FBXL13: variants seen among roughly 807,000 people sequenced by gnomAD.
FBXL13 encodes F-box and leucine rich repeat protein 13.
Under a neutral mutation model 83.6 loss-of-function variants are expected in FBXL13, and 67 were observed. That is an observed-to-expected ratio of 0.80 (90% confidence interval 0.66 to 0.98). The LOEUF is 0.98. Among genes scored for constraint, FBXL13 ranks in the 50% least tolerant of loss-of-function variants. FBXL13 has a pLI of 0.00. For synonymous variants in FBXL13, 272 were observed against 299.5 expected (o/e 0.91, Z 0.95); for missense variants, 822 against 866.5 (o/e 0.95, Z 0.64).
intron 8 of FBXL13, among the ~76,000 whole-genome samples, chr7:102,946,443 C>A (rs1234133448): frequency 6.6e-6 from 1 of 152,170 alleles, no homozygotes; most frequent in Non-Finnish European, 1.5e-5. Context: ...GGCTGTCTGG[C>A]ACCAGAACTT....
At chr7:102,823,833 C>T (rs74725883) in intron 18 of FBXL13, among the ~76,000 whole-genome samples, 4,443 of 152,176 alleles carry the variant, frequency 0.029, 183 homozygotes, top group East Asian at 0.16. Context: ...TGTCTAAACA[C>T]GCTTTGTTTC....
intron 6 of FBXL13, among the ~76,000 whole-genome samples, chr7:103,002,527 T>C (rs995858916): frequency 1.3e-5 from 2 of 152,354 alleles, no homozygotes; most frequent in African/African-American, 4.8e-5. Context: ...CTGTTTTCTT[T>C]TTGCACATTA....
At chr7:103,036,654 G>A (rs1399078652) in intron 2 of FBXL13, among the ~76,000 whole-genome samples, 1 of 152,128 alleles carries the variant, frequency 6.6e-6, no homozygotes, top group African/African-American at 2.4e-5. Context: ...TGGGATTACA[G>A]GTGTGCACCA....
intron 6 of FBXL13, among the ~76,000 whole-genome samples, chr7:102,992,648 A>G (rs929654032): frequency 6.6e-6 from 1 of 152,218 alleles, no homozygotes; most frequent in Admixed American, 6.5e-5. Flanking sequence ...TCTGTCACCC[A>G]GGCTGGAGTA....
At chr7:102,832,094 C>T (rs540936354) in intron 18 of FBXL13, among the ~76,000 whole-genome samples, 6 of 152,214 alleles carry the variant, frequency 3.9e-5, no homozygotes, top group East Asian at 3.9e-4. Flanking sequence ...AAAATACCAG[C>T]GATGGTTATG....
At chr7:102,895,454 G>T (rs1047824424) in intron 11 of FBXL13, among the ~76,000 whole-genome samples, 13 of 152,170 alleles carry the variant, frequency 8.5e-5, no homozygotes, top group African/African-American at 3.1e-4. Context: ...CTGAAACACG[G>T]TCCAAACTCC....
rs544074031 is a variant in FBXL13 at position 103,016,727 on chromosome 7, G to A, written c.495+8336C>T. Reference sequence around the variant, plus strand: ...CCACACCCATGGAGCCTCCCTCATTGCTCGCACAGCAGTCTGAGATCAAAC... The same window carrying A: ...CCACACCCATGGAGCCTCCCTCATTACTCGCACAGCAGTCTGAGATCAAAC... On this transcript the variant is annotated intron_variant, in intron 6 of 19. Coordinates refer to ENST00000313221, the Ensembl canonical transcript of FBXL13. 8.5e-5 allele frequency among the ~76,000 whole-genome samples: 13 copies of A among 152,262 alleles called. No homozygotes were observed. The South Asian group carries it at 2.7e-3, about 32-fold the overall frequency.
chr7:102,934,949 C>T (rs2129473871), intron 8 of FBXL13, among the ~76,000 whole-genome samples: 1 of 152,304 alleles, frequency 6.6e-6, no homozygotes, highest in African/African-American at 2.4e-5. Flanking sequence ...ACATCGCAAG[C>T]TGTCACTGTA....
intron 1 of FBXL13, among the ~76,000 whole-genome samples, chr7:103,067,116 G>T (rs1798477601): frequency 6.6e-6 from 1 of 152,026 alleles, no homozygotes; most frequent in East Asian, 1.9e-4. Flanking sequence ...AAAATACTAG[G>T]AAATGTAGGA....
intron 14 of FBXL13, among the ~76,000 whole-genome samples, chr7:102,879,745 C>T (rs1446759137): frequency 5.9e-5 from 9 of 152,106 alleles, no homozygotes; most frequent in South Asian, 4.1e-4. Flanking sequence ...CTCTCTCTGT[C>T]GCCCAGGCTG....
intron 6 of FBXL13, among the ~76,000 whole-genome samples, chr7:102,984,411 A>C (rs1430026806): frequency 6.6e-6 from 1 of 152,206 alleles, no homozygotes. Flanking sequence ...TGAGAGAGAA[A>C]GATAATTACT....
intron 2 of FBXL13, among the ~76,000 whole-genome samples, chr7:103,037,884 C>T (rs902711733): frequency 3.0e-4 from 45 of 151,964 alleles, no homozygotes; most frequent in Admixed American, 2.0e-3. Flanking sequence ...GCGAGATCCA[C>T]GCAGAAGACG....
chr7:102,906,950 G>GT lies in FBXL13; in HGVS notation c.1008+6135_1008+6136insA, dbSNP rs199956653. Among the ~76,000 whole-genome samples, 568 of 151,612 alleles carry GT rather than the reference G, an allele frequency of 3.7e-3. 4 individuals carry two copies. Among genetic ancestry groups the GT allele is most frequent in the African/African-American group, 0.013 (559 of 41,432 alleles). On this transcript the variant is annotated intron_variant, in intron 11 of 19. Transcript: ENST00000313221. ...TGGTTTTTGTTTGTTTGTTTGATTGGGTTTTTTTTGTTTGTTTGTTTTTGT... is the reference window on the plus strand; with the variant it reads ...TGGTTTTTGTTTGTTTGTTTGATTGGTGTTTTTTTTGTTTGTTTGTTTTTGT...
intron 16 of FBXL13, among the ~76,000 whole-genome samples, chr7:102,863,870 C>G (rs1807242903): frequency 6.6e-6 from 1 of 152,202 alleles, no homozygotes; most frequent in South Asian, 2.1e-4. Flanking sequence ...TGTCTCCTCT[C>G]TGCCTCCCTG....
intron 2 of FBXL13, among the ~76,000 whole-genome samples, chr7:103,053,840 G>A (rs1286884540): frequency 2.6e-5 from 4 of 152,192 alleles, no homozygotes; most frequent in Non-Finnish European, 5.9e-5. Flanking sequence ...TGCAGATCAA[G>A]TAGGATGGGA....
intron 1 of FBXL13, among the ~76,000 whole-genome samples, chr7:103,069,847 G>A (rs974947965): frequency 6.6e-6 from 1 of 152,224 alleles, no homozygotes; most frequent in African/African-American, 2.4e-5. Flanking sequence ...GGGAGGCCGA[G>A]GCAGGTGGAT....
chr7:102,838,775 G>A lies in FBXL13; in HGVS notation c.1720-5801C>T, dbSNP rs182831992. On this transcript the variant is annotated intron_variant, in intron 17 of 19. Transcript: ENST00000313221. ...AAAGTCATCGCCATTCTGCAGTCTC[G>A]ATAAACCAGGGGCACAATGCACTGC... 4.6e-3 allele frequency among the ~76,000 whole-genome samples: 700 copies of A among 152,216 alleles called. 17 individuals are homozygous for A. The highest frequency in any genetic ancestry group is 1.4e-3 in the East Asian group (7 of 5,182).
intron 11 of FBXL13, among the ~76,000 whole-genome samples, chr7:102,889,450 T>C (rs939161135): frequency 3.3e-5 from 5 of 152,200 alleles, no homozygotes; most frequent in Non-Finnish European, 7.3e-5. Context: ...CTAGGGTACA[T>C]GTGCACAACG....
intron 3 of FBXL13, 87 bp from the exon 5 acceptor site, chr7:103,028,835 T>G (rs1413819948): frequency 2.6e-6 from 3 of 1,135,978 alleles, no homozygotes; most frequent in Non-Finnish European, 3.5e-6. Flanking sequence ...CAAAGAATGA[T>G]ATCTCCTTTA....
Sources: allele counts gnomAD v4.1 joint callset (sites outside exome capture counted in the v4.1 genomes callset), GRCh38; gene constraint gnomAD v4.1.1; transcripts MANE v1.5; gene names NCBI Gene and HGNC (gene_info 2026-07-23, HGNC 2026-07-21).